ENPP1: variants seen among roughly 807,000 people sequenced by gnomAD.
ENPP1 encodes ectonucleotide pyrophosphatase/phosphodiesterase 1.
ENPP1 carries 73 observed loss-of-function variants against 122.8 expected under a neutral mutation model. That is an observed-to-expected ratio of 0.59 (90% confidence interval 0.49 to 0.72). The LOEUF is 0.72. Ranked by LOEUF, ENPP1 falls within the 30% of genes least tolerant of loss-of-function variation. The probability of loss-of-function intolerance (pLI) is 0.00; values close to 1 mark genes in which losing one functional copy is unlikely to be tolerated. For synonymous variants in ENPP1, 367 were observed against 391.6 expected (o/e 0.94, Z 0.74); for missense variants, 978 against 1,128.1 (o/e 0.87, Z 1.91).
intron 4 of ENPP1, among the ~76,000 whole-genome samples, chr6:131,851,614 A>G (rs1781882103): frequency 6.6e-6 from 1 of 152,180 alleles, no homozygotes; most frequent in African/African-American, 2.4e-5. Flanking sequence ...TCCCTCTTAC[A>G]GTCCTGGCTG....
chr6:131,882,622 A>C, intron 21 of ENPP1, 148 bp downstream of exon 21: 1 of 177,118 alleles, frequency 5.6e-6, no homozygotes, highest in African/African-American at 2.6e-5. Flanking sequence ...TTATATATAT[A>C]ATATATATAA....
Position 131,884,962 on chromosome 6 carries a change from G to A in ENPP1, c.2343G>A (p.Leu781=), listed in dbSNP as rs1749861349. 1 of 1,613,916 alleles carries A rather than the reference G, an allele frequency of 6.2e-7. No individual in the cohort carries two copies. Among genetic ancestry groups the A allele is most frequent in the South Asian group, 1.1e-5 (1 of 91,084 alleles). The part of the protein sequence containing the change: ...VIWRYFHDTL[L]RKYAEERNGV... ...GGCGCTACTTTCATGACACCCTACT[G>A]CGAAAGTATGCTGAAGAAAGAAATG... The change falls in exon 23 of 25, where the codon CTG becomes CTA. Residue 781 remains leucine (L), a synonymous_variant. Coordinates refer to ENST00000647893, the MANE Select transcript of ENPP1 (RefSeq NM_006208.3).
intron 1 of ENPP1, chr6:131,826,800 A>G: frequency 2.3e-6 from 1 of 428,934 alleles, no homozygotes. Context: ...AAAGCCGTCT[A>G]ACTGCACAGT....
chr6:131,864,402 A>C, intron 9 of ENPP1, 104 bp from the exon 10 acceptor site: 1 of 746,436 alleles, frequency 1.3e-6, no homozygotes, highest in Non-Finnish European at 2.4e-6. Flanking sequence ...ATAGATGCGA[A>C]ATAGCATTTA....
chr6:131,857,354 T>G (rs1205611700), intron 6 of ENPP1, among the ~76,000 whole-genome samples: 1 of 148,606 alleles, frequency 6.7e-6, no homozygotes, highest in African/African-American at 2.6e-5. Context: ...TGCACACATA[T>G]GTTTATTGCG....
intron 11 of ENPP1, among the ~76,000 whole-genome samples, chr6:131,866,148 G>C (rs1782088351): frequency 6.6e-6 from 1 of 152,140 alleles, no homozygotes. Context: ...TGAAAAAAGT[G>C]AAAAGAGGTA....
chr6:131,880,151 G>C, intron 20 of ENPP1, 117 bp downstream of exon 20: 1 of 1,034,418 alleles, frequency 9.7e-7, no homozygotes, highest in Non-Finnish European at 1.5e-6. Flanking sequence ...CGCATTAGAG[G>C]AACACTGAAG....
rs142875361 is a variant in ENPP1, at chr6:131,812,849, AT to A, written c.240+4584del. On this transcript the variant is annotated intron_variant, in intron 1 of 24. Transcript: ENST00000647893. Reference sequence around the variant, plus strand: ...GGTTATTTATTCAGCATATTCAGAGATTTTTTTTTTGAGACAGTCTTGCTCT... The same window carrying A: ...GGTTATTTATTCAGCATATTCAGAGATTTTTTTTTGAGACAGTCTTGCTCT... 1.3e-3 allele frequency among the ~76,000 whole-genome samples: 199 copies of A among 150,688 alleles called. No individual in the cohort carries two copies. In the Middle Eastern group the frequency reaches 0.017, roughly 13 times the overall value.
Position 131,818,923 on chromosome 6 carries a change from T to A in ENPP1, c.240+10648T>A, listed in dbSNP as rs575489146. On this transcript the variant is annotated intron_variant, in intron 1 of 24. Transcript: ENST00000647893. ...GACATATTTTCTCAAAAATGAGTGATGTTAGCTTGTCCCTTCAAGGAAAAC... is the reference window on the plus strand; with the variant it reads ...GACATATTTTCTCAAAAATGAGTGAAGTTAGCTTGTCCCTTCAAGGAAAAC... Among the ~76,000 whole-genome samples the A allele has an allele frequency of 1.8e-4, 28 of 152,332 alleles. 1 individual carries two copies. Among genetic ancestry groups the A allele is most frequent in the Admixed American group, 1.5e-3 (23 of 15,308 alleles).
chr6:131,824,491 G>A (rs1200766983), intron 1 of ENPP1, among the ~76,000 whole-genome samples: 1 of 152,012 alleles, frequency 6.6e-6, no homozygotes, highest in African/African-American at 2.4e-5. Context: ...GTCTCTCTCT[G>A]TCATCCAGGC....
intron 1 of ENPP1, among the ~76,000 whole-genome samples, chr6:131,833,535 T>C (rs1286445950): frequency 6.6e-6 from 1 of 152,244 alleles, no homozygotes; most frequent in Non-Finnish European, 1.5e-5. Context: ...GTATCAACTT[T>C]TCCATTATCA....
At chr6:131,879,641 G>C (rs890649126) in intron 19 of ENPP1, among the ~76,000 whole-genome samples, 1 of 152,108 alleles carries the variant, frequency 6.6e-6, no homozygotes, top group Non-Finnish European at 1.5e-5. Context: ...ATTTCATATA[G>C]TGTCCTCATG....
chr6:131,888,159 G>C (rs78267635), intron 24 of ENPP1, among the ~76,000 whole-genome samples: 11,237 of 151,662 alleles, frequency 0.074, 953 homozygotes, highest in African/African-American at 0.21. Flanking sequence ...ACTGTGCCCG[G>C]CCCATTTTAG....
Position 131,893,820 on chromosome 6 carries a change from A to G in ENPP1, c.*3309A>G, listed in dbSNP as rs1049748337. ...AAAAGTGACTGATCTCTACTCCCCC[A>G]GTTTGAATGGTAAATTTGAATGGTA... On this transcript the variant is annotated 3_prime_UTR_variant, in exon 25 of 25. Coordinates refer to ENST00000647893, the MANE Select transcript of ENPP1 (RefSeq NM_006208.3). The G allele has an allele frequency of 1.2e-4, 18 of 152,096 alleles. No homozygotes were observed. Among genetic ancestry groups the G allele is most frequent in the African/African-American group, 4.3e-4 (18 of 41,426 alleles). The allele number at this position is 152,096 out of a possible 1,614,324, so 9.4% of individuals were successfully genotyped here. A position where few individuals can be genotyped will look rare whatever the true frequency, so the allele number is the denominator to read the frequency against.
intron 24 of ENPP1, among the ~76,000 whole-genome samples, chr6:131,889,430 C>T (rs377249601): frequency 4.6e-5 from 7 of 152,018 alleles, no homozygotes; most frequent in East Asian, 1.9e-4. Flanking sequence ...TTCCCCCACA[C>T]GTGTTTATGT....
rs540939828 is a variant in ENPP1 at position 131,816,710 on chromosome 6, T to C, written c.240+8435T>C. ...AAAATTATTTTTACCTTTTTTTACT[T>C]TTAGTTTTTAGAAGAGGTGTTGGTA... On this transcript the variant is annotated intron_variant, in intron 1 of 24. Transcript: ENST00000647893. Among the ~76,000 whole-genome samples, 10 of 152,346 alleles carry C rather than the reference T, an allele frequency of 6.6e-5. No individual in the cohort carries two copies. The South Asian group carries it at 2.1e-3, about 32-fold the overall frequency.
At chr6:131,824,407 G>T (rs1342589615) in intron 1 of ENPP1, among the ~76,000 whole-genome samples, 1 of 152,080 alleles carries the variant, frequency 6.6e-6, no homozygotes, top group Non-Finnish European at 1.5e-5. Flanking sequence ...TGGGGATGAG[G>T]TGGGAAATGT....
At chr6:131,850,164 G>C in intron 3 of ENPP1, 58 bp downstream of exon 3, 6 of 1,186,798 alleles carry the variant, frequency 5.1e-6, no homozygotes, top group Non-Finnish European at 7.6e-6. Context: ...ATCAAGGAAA[G>C]TTCTGTGTCT....
At chr6:131,852,598 G>A (rs1386841738) in intron 5 of ENPP1, among the ~76,000 whole-genome samples, 5 of 152,082 alleles carry the variant, frequency 3.3e-5, no homozygotes, top group Admixed American at 6.5e-5. Context: ...TCTTGTGTTT[G>A]GCAATGGTGG....
Sources: gnomAD v4.1 joint callset for allele counts (sites outside exome capture counted in the v4.1 genomes callset) on GRCh38, gnomAD v4.1.1 for gene constraint, MANE v1.5 for transcripts, NCBI Gene and HGNC (gene_info 2026-07-23, HGNC 2026-07-21) for gene names.